ZNF474: variants seen among roughly 807,000 people sequenced by gnomAD.
The protein encoded by ZNF474 is zinc finger protein 474.
For synonymous variants in ZNF474, 192 were observed against 162.2 expected (o/e 1.18, Z -1.39); for missense variants, 511 against 433.8 (o/e 1.18, Z -1.58).
At chr5:122,149,144 T>C (rs1756094084) in intron 1 of ZNF474, among the ~76,000 whole-genome samples, 1 of 152,074 alleles carries the variant, frequency 6.6e-6, no homozygotes. Context: ...CAACAGATAG[T>C]GAATGCAAGC....
Position 122,142,645 on chromosome 5 carries a change from T to C in ZNF474, c.-212-9134T>C, listed in dbSNP as rs551626057. Among the ~76,000 whole-genome samples, 20 of 152,282 alleles carry C rather than the reference T, an allele frequency of 1.3e-4. No homozygotes were observed. In the East Asian group the frequency reaches 3.3e-3, roughly 25 times the overall value. ...AGCTTTCCTGGGAAATGAGAATTTG[T>C]AGGGCTGAGGATTCTGAATCATCAG... is the stretch of plus-strand genomic sequence containing the variant. On this transcript the variant is annotated intron_variant, in intron 1 of 1. Coordinates refer to ENST00000296600, the MANE Select transcript of ZNF474 (RefSeq NM_207317.3).
Position 122,152,032 on chromosome 5 carries a change from A to G in ZNF474, c.42A>G (p.Gln14=), listed in dbSNP as rs2152607186. 6.2e-7 allele frequency: 1 copy of G among 1,612,504 alleles called. No individual in the cohort carries two copies. The highest frequency in any genetic ancestry group is 1.1e-5 in the South Asian group (1 of 90,612). The part of the protein sequence containing the change: ...GKKKRISNKL[Q]QTFHHSKEPT... The stretch of plus-strand genomic sequence containing the variant: ...AGAAAAGAATTTCCAATAAGTTACA[A>G]CAAACTTTTCACCATTCTAAAGAAC... The change falls in exon 2 of 2, where the codon CAA becomes CAG. Residue 14 remains glutamine (Q), a synonymous_variant. Coordinates refer to ENST00000296600, the MANE Select transcript of ZNF474 (RefSeq NM_207317.3).
At chr5:122,138,057 C>T (rs931566555) in intron 1 of ZNF474, among the ~76,000 whole-genome samples, 82 of 152,094 alleles carry the variant, frequency 5.4e-4, no homozygotes, top group African/African-American at 1.8e-3. Context: ...GATGTAATAT[C>T]ACAAGAGGTT....
intron 1 of ZNF474, among the ~76,000 whole-genome samples, chr5:122,139,451 A>C (rs920430824): frequency 6.6e-6 from 1 of 152,190 alleles, no homozygotes; most frequent in African/African-American, 2.4e-5. Flanking sequence ...GGAATTTTGC[A>C]GTCAACTAAA....
chr5:122,152,861 A>T lies in ZNF474; in HGVS notation c.871A>T (p.Ser291Cys), dbSNP rs372299083. 74 of 1,614,160 alleles carry T rather than the reference A, an allele frequency of 4.6e-5. No individual in the cohort carries two copies. The highest frequency in any genetic ancestry group is 1.7e-4 in the Middle Eastern group (1 of 6,060). ...QAQLVFCPHC[S>C]RIFTSDRLLV... ...TCAGCTTGTGTTCTGCCCACATTGT[A>T]GCCGAATCTTTACCTCAGACCGCCT... is the stretch of plus-strand genomic sequence containing the variant. Residue 291 changes from serine to cysteine, a missense_variant, in exon 2 of 2, where the codon AGC becomes TGC. By Grantham distance (112) the Ser-to-Cys change is moderately radical. Transcript: ENST00000296600.
At chr5:122,136,988 A>G (rs1009264876) in intron 1 of ZNF474, among the ~76,000 whole-genome samples, 1 of 152,248 alleles carries the variant, frequency 6.6e-6, no homozygotes, top group African/African-American at 2.4e-5. Flanking sequence ...CGAAGTTCAC[A>G]TGCAATTTAA....
intron 1 of ZNF474, among the ~76,000 whole-genome samples, chr5:122,134,440 A>G (rs1755650520): frequency 6.6e-6 from 1 of 152,248 alleles, no homozygotes; most frequent in African/African-American, 2.4e-5. Context: ...ATGAAATCTA[A>G]TTTAAATGGT....
intron 1 of ZNF474, among the ~76,000 whole-genome samples, chr5:122,141,649 A>C (rs1390519809): frequency 1.3e-5 from 2 of 151,606 alleles, no homozygotes; most frequent in African/African-American, 4.9e-5. Context: ...CATGTTGGCC[A>C]GGCTAGTCTT....
At chr5:122,142,041 T>C (rs929395691) in intron 1 of ZNF474, among the ~76,000 whole-genome samples, 12 of 152,220 alleles carry the variant, frequency 7.9e-5, no homozygotes, top group African/African-American at 2.9e-4. Flanking sequence ...GCTGGAATTG[T>C]TGGCATCGCC....
intron 1 of ZNF474, among the ~76,000 whole-genome samples, chr5:122,147,284 T>C (rs1284846059): frequency 6.6e-6 from 1 of 152,178 alleles, no homozygotes; most frequent in African/African-American, 2.4e-5. Flanking sequence ...ATCTTTCTTG[T>C]TTATGTTTTT....
chr5:122,131,176 G>C (rs1755565563), intron 1 of ZNF474, among the ~76,000 whole-genome samples: 1 of 152,146 alleles, frequency 6.6e-6, no homozygotes, highest in Non-Finnish European at 1.5e-5. Context: ...AGAATGTGGA[G>C]AAATGGGAAC....
chr5:122,133,398 C>G (rs1755625996), intron 1 of ZNF474, among the ~76,000 whole-genome samples: 2 of 152,142 alleles, frequency 1.3e-5, no homozygotes, highest in Admixed American at 1.3e-4. Flanking sequence ...ATCACATATT[C>G]TTACGAATTG....
intron 1 of ZNF474, among the ~76,000 whole-genome samples, chr5:122,141,300 A>ACTTTT (rs1755839307): frequency 4.7e-5 from 3 of 64,340 alleles, no homozygotes; most frequent in Admixed American, 2.4e-4. Flanking sequence ...ACCCCTGGCT[A>ACTTTT]TTTTTTTTTT....
chr5:122,131,151 T>G (rs964519222), intron 1 of ZNF474, among the ~76,000 whole-genome samples: 4 of 152,098 alleles, frequency 2.6e-5, no homozygotes, highest in Admixed American at 2.0e-4. Flanking sequence ...AGATAAAAGA[T>G]AACAAGTGTT....
rs1430930061 is a variant in ZNF474, at chr5:122,152,234, C to T, written c.244C>T (p.Leu82Phe). 6.2e-7 allele frequency: 1 copy of T among 1,614,210 alleles called. No homozygotes were observed. The highest frequency in any genetic ancestry group is 1.1e-5 in the South Asian group (1 of 91,088). The change falls in exon 2 of 2, where the codon CTT (leucine) becomes TTT (phenylalanine). Residue 82 changes from leucine to phenylalanine, a missense_variant. By Grantham distance (22) the Leu-to-Phe change is conservative. Transcript: ENST00000296600. ...SSRRIISESQ[L>F]SPPVIPARRP... Reference sequence around the variant, plus strand: ...TAGAAGAATTATATCGGAAAGCCAGCTTAGCCCCCCTGTGATCCCGGCCCG... The same window carrying T: ...TAGAAGAATTATATCGGAAAGCCAGTTTAGCCCCCCTGTGATCCCGGCCCG...
chr5:122,142,045 C>A (rs1470120605), intron 1 of ZNF474, among the ~76,000 whole-genome samples: 1 of 152,200 alleles, frequency 6.6e-6, no homozygotes, highest in East Asian at 1.9e-4. Flanking sequence ...GAATTGTTGG[C>A]ATCGCCTTCT....
chr5:122,140,733 T>C (rs979295229), intron 1 of ZNF474, among the ~76,000 whole-genome samples: 3 of 152,222 alleles, frequency 2.0e-5, no homozygotes, highest in Non-Finnish European at 2.9e-5. Flanking sequence ...GACACTCTTC[T>C]ACCTGTGGAG....
chr5:122,136,006 T>A (rs1002415379), intron 1 of ZNF474, among the ~76,000 whole-genome samples: 1 of 151,560 alleles, frequency 6.6e-6, no homozygotes, highest in Admixed American at 6.6e-5. Context: ...TAATGGGAAA[T>A]GAATAAATAG....
At chr5:122,140,118 G>T (rs1379575614) in intron 1 of ZNF474, among the ~76,000 whole-genome samples, 1 of 152,144 alleles carries the variant, frequency 6.6e-6, no homozygotes. Flanking sequence ...GAAACCCTAG[G>T]TATTACTGTA....
Sources: allele counts gnomAD v4.1 joint callset (sites outside exome capture counted in the v4.1 genomes callset), GRCh38; gene constraint gnomAD v4.1.1; transcripts MANE v1.5; gene names NCBI Gene and HGNC (gene_info 2026-07-23, HGNC 2026-07-21).